TLE3: variants seen among roughly 807,000 people sequenced by gnomAD.
TLE3 encodes TLE family member 3, transcriptional corepressor.
A neutral mutation model predicts 93.0 loss-of-function variants in TLE3; 14 were observed. The ratio of observed to expected loss-of-function variants is 0.15; its 90% CI spans 0.10 to 0.24. The LOEUF (loss-of-function observed/expected upper bound fraction) is 0.24, where lower values mean the gene tolerates loss of function less well. Ranked by LOEUF, TLE3 falls within the 10% of genes least tolerant of loss-of-function variation. The pLI, the probability that TLE3 is intolerant of heterozygous loss-of-function variation, is 1.00. For synonymous variants in TLE3, 451 were observed against 425.0 expected (o/e 1.06, Z -0.75); for missense variants, 693 against 1,046.6 (o/e 0.66, Z 4.66).
Position 70,057,666 on chromosome 15 carries a change from G to A in TLE3, c.1052-8C>T, listed in dbSNP as rs1320758839. 5 of 1,561,528 alleles carry A rather than the reference G, an allele frequency of 3.2e-6. No homozygotes were observed. The highest frequency in any genetic ancestry group is 1.3e-5 in the African/African-American group (1 of 74,162). On this transcript the variant is annotated splice_polypyrimidine_tract_variant and splice_region_variant and intron_variant, in intron 12 of 19. Coordinates refer to ENST00000451782, the MANE Select transcript of TLE3 (RefSeq NM_001105192.3). ...GCGTGCGCAGAGCCGAGGCTGCGAG[G>A]GGTGGGCGTCAGGGAGGTGGGCCTT...
chr15:70,081,737 G>A (rs376079942), intron 4 of TLE3, among the ~76,000 whole-genome samples: 42 of 152,390 alleles, frequency 2.8e-4, no homozygotes, highest in African/African-American at 8.9e-4. Flanking sequence ...GCAGTGTCAT[G>A]CAAAGAGCAT....
intron 14 of TLE3, 138 bp from the exon 15 acceptor site, chr15:70,055,436 C>T: frequency 7.9e-7 from 1 of 1,260,322 alleles, no homozygotes; most frequent in Non-Finnish European, 1.1e-6. Context: ...CCATTCGAAC[C>T]CAGTAACCCC....
intron 4 of TLE3, among the ~76,000 whole-genome samples, chr15:70,084,000 G>A (rs2057921306): frequency 6.6e-6 from 1 of 152,186 alleles, no homozygotes; most frequent in South Asian, 2.1e-4. Context: ...CAGGAGTGAT[G>A]GCATTTCTTA....
intron 15 of TLE3, 157 bp from the exon 16 acceptor site, chr15:70,054,842 A>G: frequency 8.0e-7 from 1 of 1,243,914 alleles, no homozygotes; most frequent in Admixed American, 2.9e-5. Flanking sequence ...CAAATTCACA[A>G]CCCTTTGATC....
chr15:70,093,008 C>T (rs962887363), intron 4 of TLE3, among the ~76,000 whole-genome samples: 3 of 152,198 alleles, frequency 2.0e-5, no homozygotes, highest in Non-Finnish European at 2.9e-5. Context: ...CCTGCATACA[C>T]CCCAAGGTCC....
intron 19 of TLE3, 73 bp downstream of exon 19, chr15:70,051,318 C>G (rs2055518235): frequency 2.1e-6 from 3 of 1,438,248 alleles, no homozygotes; most frequent in Non-Finnish European, 2.8e-6. Context: ...TGCTGCTATC[C>G]TCACTCCCAT....
In TLE3 at chr15:70,096,799, G is replaced by A. The variant is rs746766393; in HGVS notation, c.-1C>T. ...CCGGATGTCTGCCCTGCGGATACAT[G>A]GCAGGGAGGGGTCGTGATTCCGAGA... On this transcript the variant is annotated 5_prime_UTR_variant, in exon 1 of 20. Coordinates refer to ENST00000451782, the MANE Select transcript of TLE3 (RefSeq NM_001105192.3). 3.3e-5 allele frequency: 53 copies of A among 1,612,614 alleles called. No individual in the cohort carries two copies. The highest frequency in any genetic ancestry group is 1.3e-5 in the Non-Finnish European group (15 of 1,179,572).
intron 16 of TLE3, 124 bp downstream of exon 16, chr15:70,054,314 T>A (rs2055827121): frequency 7.1e-7 from 1 of 1,402,714 alleles, no homozygotes; most frequent in African/African-American, 1.4e-5. Context: ...GCATCCCTCA[T>A]CCCAACGGTT....
At chr15:70,096,684 G>A in intron 1 of TLE3, 91 bp downstream of exon 1, 3 of 1,569,084 alleles carry the variant, frequency 1.9e-6, no homozygotes, top group Non-Finnish European at 2.6e-6. Flanking sequence ...CACCATAAAG[G>A]TAGCAACAAG....
At chr15:70,061,870 T>A (rs8029422) in intron 8 of TLE3, among the ~76,000 whole-genome samples, 1 of 150,192 alleles carries the variant, frequency 6.7e-6, no homozygotes, top group African/African-American at 2.5e-5. Flanking sequence ...CCAGTCCCCA[T>A]GCAACACAGG....
At position 70,093,011 on chromosome 15, in the gene TLE3, C is replaced by T. The variant is rs947465724; in HGVS notation, c.234+1521G>A. Among the ~76,000 whole-genome samples, 10 of 152,210 alleles carry T rather than the reference C, an allele frequency of 6.6e-5. No individual in the cohort carries two copies. In the East Asian group the frequency reaches 1.9e-3, roughly 29 times the overall value. ...AGGAAGTGGCACCCTGCATACACCC[C>T]AAGGTCCTTGAAACACCTGGGCCCC... is the stretch of plus-strand genomic sequence containing the variant. On this transcript the variant is annotated intron_variant, in intron 4 of 19. Transcript: ENST00000451782.
At chr15:70,060,864 C>CAT in intron 8 of TLE3, 1 of 654,974 alleles carries the variant, frequency 1.5e-6, no homozygotes, top group South Asian at 1.5e-5. Context: ...GCCCTGGGCG[C>CAT]ATCCCCAATT....
intron 14 of TLE3, 91 bp downstream of exon 14, chr15:70,056,207 T>C: frequency 7.2e-7 from 1 of 1,380,282 alleles, no homozygotes; most frequent in Non-Finnish European, 1.0e-6. Context: ...AAACCCTTGG[T>C]CAGGGGATGA....
intron 4 of TLE3, among the ~76,000 whole-genome samples, chr15:70,090,284 C>T (rs1041816322): frequency 6.6e-6 from 1 of 152,078 alleles, no homozygotes; most frequent in Non-Finnish European, 1.5e-5. Flanking sequence ...AAGACAGATA[C>T]CAGGGCATGG....
In TLE3 at chr15:70,058,157, A is replaced by T; in HGVS notation, c.1051+2T>A. 1 of 1,613,758 alleles carries T rather than the reference A, an allele frequency of 6.2e-7. No homozygotes were observed. The highest frequency in any genetic ancestry group is 8.5e-7 in the Non-Finnish European group (1 of 1,179,834). ...CCAGCCCATGGTGCCTACCCATTAT[A>T]CCTATCGGGTCCATGCCCGGAGGTT... On this transcript the variant is annotated splice_donor_variant, in intron 12 of 19. Transcript: ENST00000451782. LOFTEE classifies it high-confidence loss of function. This position sits in a 1 kb window ranked among gnomAD's most constrained non-coding sequence, Gnocchi z 4.1.
chr15:70,060,178 C>A (rs2056373082), intron 9 of TLE3, among the ~76,000 whole-genome samples: 1 of 152,196 alleles, frequency 6.6e-6, no homozygotes, highest in African/African-American at 2.4e-5. Flanking sequence ...ACTATAGGGT[C>A]CACATTTTGG....
chr15:70,094,261 GTACAACTT>G (rs564090926), intron 4 of TLE3, among the ~76,000 whole-genome samples: 142 of 152,002 alleles, frequency 9.3e-4, no homozygotes, highest in Non-Finnish European at 1.5e-3. Flanking sequence ...GATCCTGGAG[GTACAACTT>G]TCCCTTTGGT....
At chr15:70,095,663 G>A (rs2058519412) in intron 2 of TLE3, 22 bp from the exon 3 acceptor site, 2 of 1,550,834 alleles carry the variant, frequency 1.3e-6, no homozygotes, top group African/African-American at 2.7e-5. Flanking sequence ...GGAGGAGCCG[G>A]CTCAGGCGTG....
rs1480647676 is a variant in TLE3, at chr15:70,097,010, G to T, written c.-212C>A. On this transcript the variant is annotated 5_prime_UTR_variant, in exon 1 of 20. Transcript: ENST00000451782. Reference sequence around the variant, plus strand: ...GAGCCGCGGAGCAGGCGGCAAAGTCGTCGGCGGGCGCCGGGGCCGGGCGGC... The same window carrying T: ...GAGCCGCGGAGCAGGCGGCAAAGTCTTCGGCGGGCGCCGGGGCCGGGCGGC... 1 of 614,132 alleles carries T rather than the reference G, an allele frequency of 1.6e-6. No homozygotes were observed. The highest frequency in any genetic ancestry group is 2.8e-6 in the Non-Finnish European group (1 of 359,552). 38.0% of individuals were successfully genotyped at this position (614,132 alleles called of 1,614,324 possible). A position where few individuals can be genotyped will look rare whatever the true frequency, so the allele number is the denominator to read the frequency against.
Sources: gnomAD v4.1 joint callset for allele counts (sites outside exome capture counted in the v4.1 genomes callset) on GRCh38, gnomAD v4.1.1 for gene constraint, Gnocchi (gnomAD v3.1) non-coding constraint, MANE v1.5 for transcripts, NCBI Gene and HGNC (gene_info 2026-07-23, HGNC 2026-07-21) for gene names.